RYR1: variants seen among roughly 807,000 people sequenced by gnomAD.
RYR1 encodes ryanodine receptor 1.
Under a neutral mutation model 583.5 loss-of-function variants are expected in RYR1, and 342 were observed. The observed-to-expected ratio is 0.59, with a 90% CI of 0.54 to 0.64. The LOEUF is 0.64. Ranked by LOEUF, RYR1 falls within the 30% of genes least tolerant of loss-of-function variation. The pLI is 0.00. For synonymous variants in RYR1, 2,791 were observed against 2,822.5 expected (o/e 0.99, Z 0.35); for missense variants, 6,032 against 6,917.2 (o/e 0.87, Z 4.54).
At chr19:38,513,479 T>TA (rs1223771046) in intron 63 of RYR1, among the ~76,000 whole-genome samples, 1 of 151,802 alleles carries the variant, frequency 6.6e-6, no homozygotes, top group Non-Finnish European at 1.5e-5. Flanking sequence ...AACCCCATCT[T>TA]AAAAAAAAGA....
At chr19:38,522,964 C>T in intron 67 of RYR1, 64 bp from the exon 68 acceptor site, 2 of 1,333,486 alleles carry the variant, frequency 1.5e-6, no homozygotes, top group South Asian at 1.3e-5. Context: ...CAAGATCTCT[C>T]TCTGGGCAGC....
chr19:38,578,641 T>C (rs1166737942), intron 99 of RYR1, among the ~76,000 whole-genome samples: 22 of 151,580 alleles, frequency 1.5e-4, no homozygotes. Context: ...AAGACAAACC[T>C]GGCACTGGGC....
At position 38,527,586 on chromosome 19, in the gene RYR1, C is replaced by T. The variant is rs1971522056; in HGVS notation, c.10687-61C>T. The T allele has an allele frequency of 1.2e-5, 19 of 1,605,682 alleles. 1 individual carries two copies. In the South Asian group the frequency reaches 1.6e-4, roughly 13 times the overall value. ...AGTCCTCCCAAAAACGGAAAGGGGACATCCGGCGGACACTGTGGGAAGGGT... is the reference window on the plus strand; with the variant it reads ...AGTCCTCCCAAAAACGGAAAGGGGATATCCGGCGGACACTGTGGGAAGGGT... On this transcript the variant is annotated intron_variant, in intron 72 of 105. Transcript: ENST00000359596.
rs115749148 is a variant in RYR1 at position 38,497,365 on chromosome 19, C to T, written c.6891+411C>T. On this transcript the variant is annotated intron_variant, in intron 42 of 105. Coordinates refer to ENST00000359596, the MANE Select transcript of RYR1 (RefSeq NM_000540.3). ...GGCCTTGGCACATTTCTTCGCTCTC[C>T]GAGCTTCCACTTCTGTGTACAGTGG... is the stretch of plus-strand genomic sequence containing the variant. Among the ~76,000 whole-genome samples the T allele has an allele frequency of 3.6e-3, 543 of 152,326 alleles. 2 individuals carry two copies. The highest frequency in any genetic ancestry group is 0.012 in the African/African-American group (512 of 41,578).
At position 38,507,823 on chromosome 19, in the gene RYR1, C is replaced by CAAG. The variant is rs1970546036; in HGVS notation, c.8928_8929insAAG (p.His2976_Leu2977insLys). 1 of 1,606,582 alleles carries CAAG rather than the reference C, an allele frequency of 6.2e-7. No homozygotes were observed. The highest frequency in any genetic ancestry group is 1.4e-5 in the African/African-American group (1 of 74,014). On this transcript the variant is annotated inframe_insertion, in exon 58 of 106. Transcript: ENST00000359596. Reference sequence around the variant, plus strand: ...ACATTTCTCAGGAGTTCATTGCCCACCTGGGTACGGAGAAATACCCCCCGC... The same window carrying CAAG: ...ACATTTCTCAGGAGTTCATTGCCCACAAGCTGGGTACGGAGAAATACCCCCCGC...
At chr19:38,528,006 G>A in intron 73 of RYR1, 1 of 624,140 alleles carries the variant, frequency 1.6e-6, no homozygotes, top group East Asian at 2.8e-5. Flanking sequence ...CAGATCTTTA[G>A]GTCTAGGGGT....
rs774949678 is a variant in RYR1, at chr19:38,494,398, A to G, written c.6321A>G (p.Gln2107=). 1.2e-6 allele frequency: 2 copies of G among 1,611,950 alleles called. No individual in the cohort carries two copies. The highest frequency in any genetic ancestry group is 2.2e-5 in the East Asian group (1 of 44,872). ...LVSHMVVRWA[Q]EDFVQSPELV... is the part of the protein sequence containing the mutation. ...CCCACATGGTGGTGCGCTGGGCCCA[A>G]GAGGACTTCGTGCAGAGCCCCGAGC... Residue 2107 remains glutamine, a synonymous_variant, in exon 39 of 106, where the codon CAA becomes CAG. Transcript: ENST00000359596.
At chr19:38,488,166 C>T (rs1304312759) in intron 34 of RYR1, among the ~76,000 whole-genome samples, 2 of 152,104 alleles carry the variant, frequency 1.3e-5, no homozygotes, top group South Asian at 2.1e-4. Flanking sequence ...ACCATCCCCC[C>T]ACCCTCATGG....
At chr19:38,569,254 G>T (rs541549558) in intron 93 of RYR1, among the ~76,000 whole-genome samples, 1 of 152,018 alleles carries the variant, frequency 6.6e-6, no homozygotes, top group South Asian at 2.1e-4. Flanking sequence ...TGATCCACCC[G>T]CCTTGGCCTC....
In RYR1 at chr19:38,455,281, A is replaced by G; in HGVS notation, c.1487A>G (p.Tyr496Cys). 1.2e-6 allele frequency: 2 copies of G among 1,614,096 alleles called. No homozygotes were observed. Among genetic ancestry groups the G allele is most frequent in the Non-Finnish European group, 1.7e-6 (2 of 1,180,000 alleles). Residue 496 changes from tyrosine to cysteine, a missense_variant, in exon 14 of 106, where the codon TAC becomes TGC. Physicochemically the swap from Tyr to Cys is radical, Grantham distance 194. Transcript: ENST00000359596. ...AATTGCATAGACCGCCTAAATGTCT[A>G]CACCACTGCTGCCCACTTTGCTGAG... Reference protein sequence around the residue: ...VLNCIDRLNVYTTAAHFAEFA... With the variant: ...VLNCIDRLNVCTTAAHFAEFA...
chr19:38,469,577 C>G (rs2145464740), intron 27 of RYR1, 64 bp downstream of exon 27: 15 of 1,487,900 alleles, frequency 1.0e-5, no homozygotes, highest in Middle Eastern at 1.7e-4. Context: ...CCACAGTGCT[C>G]TTCTTTGAGT....
Position 38,459,182 on chromosome 19 carries a change from A to C in RYR1, c.2204A>C (p.His735Pro), listed in dbSNP as rs1568452954. The stretch of plus-strand genomic sequence containing the variant: ...CGCCCAGTGACTTCCCCAGGGCAGC[A>C]CCTCCTGGCCCCTGAAGACGTGATC... ...VARPVTSPGQ[H>P]LLAPEDVISC... The change falls in exon 19 of 106, where the codon CAC (histidine) becomes CCC (proline). Residue 735 changes from histidine to proline, a missense_variant. His to Pro is a moderately conservative substitution (Grantham distance 77). Around this residue, in one of 11 missense-constraint regions of RYR1, gnomAD observed 2,627 missense variants for 2,961.3 expected, o/e 0.89. Coordinates refer to ENST00000359596, the MANE Select transcript of RYR1 (RefSeq NM_000540.3). 1 of 1,613,782 alleles carries C rather than the reference A, an allele frequency of 6.2e-7. No individual in the cohort carries two copies. The highest frequency in any genetic ancestry group is 8.5e-7 in the Non-Finnish European group (1 of 1,179,970).
chr19:38,448,210 T>C (rs543486526), intron 9 of RYR1, 145 bp from the exon 10 acceptor site: 3 of 911,184 alleles, frequency 3.3e-6, no homozygotes, highest in Admixed American at 2.3e-5. Flanking sequence ...GGTGGGAGGA[T>C]TGCTTGAGCC....
chr19:38,517,347 C>G lies in RYR1; in HGVS notation c.9686-12C>G. 6.2e-7 allele frequency: 1 copy of G among 1,612,232 alleles called. No individual in the cohort carries two copies. The highest frequency in any genetic ancestry group is 8.5e-7 in the Non-Finnish European group (1 of 1,179,928). ...TGGCTTGACATTCCCTGCCCCCGTC[C>G]CTGTACCCCAGTCCTGGGGCTCCCC... is the stretch of plus-strand genomic sequence containing the variant. On this transcript the variant is annotated splice_polypyrimidine_tract_variant and intron_variant, in intron 65 of 105. Transcript: ENST00000359596.
At chr19:38,534,005 A>ATTTTTT (rs71165556) in intron 78 of RYR1, among the ~76,000 whole-genome samples, 1 of 127,436 alleles carries the variant, frequency 7.8e-6, no homozygotes, top group Non-Finnish European at 1.6e-5. Flanking sequence ...ACCATCTGTA[A>ATTTTTT]TTTTTTTTTT....
At chr19:38,521,553 G>C (rs1971224868) in intron 67 of RYR1, among the ~76,000 whole-genome samples, 2 of 151,180 alleles carry the variant, frequency 1.3e-5, no homozygotes, top group Non-Finnish European at 3.0e-5. Flanking sequence ...GGGCGTGGTG[G>C]CGCATACCTG....
chr19:38,511,302 A>T (rs1214883221), intron 60 of RYR1, among the ~76,000 whole-genome samples: 1 of 152,082 alleles, frequency 6.6e-6, no homozygotes, highest in Non-Finnish European at 1.5e-5. Flanking sequence ...TCTAAAAAAA[A>T]TAAACAAACA....
rs1169314264 is a variant in RYR1 at position 38,451,881 on chromosome 19, A to C, written c.1240A>C (p.Ile414Leu). 15 of 1,614,118 alleles carry C rather than the reference A, an allele frequency of 9.3e-6. No homozygotes were observed. Among genetic ancestry groups the C allele is most frequent in the Non-Finnish European group, 1.3e-5 (15 of 1,180,006 alleles). The change falls in exon 12 of 106, where the codon ATC (isoleucine) becomes CTC (leucine). Residue 414 changes from isoleucine to leucine, a missense_variant. Around this residue, in one of 11 missense-constraint regions of RYR1, gnomAD observed 2,627 missense variants for 2,961.3 expected, o/e 0.89. Coordinates refer to ENST00000359596, the MANE Select transcript of RYR1 (RefSeq NM_000540.3). ...CACCAATGGCCTATACAACCAGTTCATCAAGTGAGCAACCTGCCCTCCCTG... is the reference window on the plus strand; with the variant it reads ...CACCAATGGCCTATACAACCAGTTCCTCAAGTGAGCAACCTGCCCTCCCTG... ...HSTNGLYNQF[I>L]KSLDSFSGKP... is the part of the protein sequence containing the mutation.
Position 38,506,549 on chromosome 19 carries a change from GAGGGCGCCCATGCCGCCCCC to G in RYR1, c.8692+5_8692+24del. On this transcript the variant is annotated splice_donor_5th_base_variant and intron_variant, in intron 56 of 105. Transcript: ENST00000359596. ...GAAGCAGGAGCTGGAAGCCAAAGGT[GAGGGCGCCCATGCCGCCCCC>G]ACGCTACCCCCGTGGATTCACCGTG... is the stretch of plus-strand genomic sequence containing the variant. 6.2e-7 allele frequency: 1 copy of G among 1,613,888 alleles called. No homozygotes were observed. Among genetic ancestry groups the G allele is most frequent in the Non-Finnish European group, 8.5e-7 (1 of 1,179,940 alleles).
Sources: allele counts gnomAD v4.1 joint callset (sites outside exome capture counted in the v4.1 genomes callset), GRCh38; gene constraint gnomAD v4.1.1; regional missense constraint gnomAD v4.1.1; transcripts MANE v1.5; gene names NCBI Gene and HGNC (gene_info 2026-07-23, HGNC 2026-07-21).